Variants in TOGARAM1 observed in about 807,000 individuals in gnomAD.
TOGARAM1 encodes TOG array regulator of axonemal microtubules protein 1.
Under a neutral mutation model 166.6 loss-of-function variants are expected in TOGARAM1, and 100 were observed. That is an observed-to-expected ratio of 0.60 (90% CI 0.51 to 0.71). The LOEUF (loss-of-function observed/expected upper bound fraction) is 0.71. TOGARAM1 is among the 30% of genes least tolerant of loss of function. The probability of loss-of-function intolerance (pLI) is 0.00; values close to 1 mark genes in which losing one functional copy is unlikely to be tolerated. For missense variants in TOGARAM1, 2,029 were observed against 2,102.7 expected (o/e 0.96, Z 0.69); for synonymous variants, 758 against 763.8 (o/e 0.99, Z 0.13).
intron 16 of TOGARAM1, among the ~76,000 whole-genome samples, chr14:45,058,988 A>G (rs1882776883): frequency 6.6e-6 from 1 of 152,036 alleles, no homozygotes; most frequent in Non-Finnish European, 1.5e-5. Flanking sequence ...CCATTTGGGT[A>G]TTTCTTATAG....
rs111732042 is a variant in TOGARAM1, at chr14:45,001,116, C to T, written c.2338+1619C>T. 2.0e-5 allele frequency among the ~76,000 whole-genome samples: 3 copies of T among 152,260 alleles called. No homozygotes were observed. In the East Asian group the frequency reaches 5.8e-4, roughly 29 times the overall value. On this transcript the variant is annotated intron_variant, in intron 3 of 19. Transcript: ENST00000361462. Reference sequence around the variant, plus strand: ...TTCCCACCAGCAGTGTACAAGCATTCCTTTTTGTTGCCATCCTTGCCACCA... The same window carrying T: ...TTCCCACCAGCAGTGTACAAGCATTTCTTTTTGTTGCCATCCTTGCCACCA...
intron 1 of TOGARAM1, among the ~76,000 whole-genome samples, chr14:44,985,175 G>A (rs1047919768): frequency 1.3e-5 from 2 of 152,030 alleles, no homozygotes; most frequent in African/African-American, 4.8e-5. Flanking sequence ...CACCACGCCT[G>A]GCTAATTTTT....
chr14:44,990,078 ATGTGGGGAT>A (rs1887048638), intron 1 of TOGARAM1, among the ~76,000 whole-genome samples: 2 of 152,346 alleles, frequency 1.3e-5, no homozygotes, highest in East Asian at 3.9e-4. Context: ...CTCCCTTGAT[ATGTGGGGAT>A]TATGAGGATT....
intron 3 of TOGARAM1, among the ~76,000 whole-genome samples, chr14:45,002,872 G>A (rs190994316): frequency 7.5e-4 from 114 of 152,182 alleles, no homozygotes; most frequent in Non-Finnish European, 1.4e-3. Flanking sequence ...CCAGCTACTC[G>A]GGAGGCTGAA....
chr14:45,059,587 C>G (rs772340836), intron 16 of TOGARAM1, among the ~76,000 whole-genome samples: 1 of 151,924 alleles, frequency 6.6e-6, no homozygotes, highest in African/African-American at 2.4e-5. Context: ...GAGGCAGAGG[C>G]GGAAGTTGCA....
intron 6 of TOGARAM1, among the ~76,000 whole-genome samples, chr14:45,009,578 T>C (rs1879672520): frequency 6.6e-6 from 1 of 152,232 alleles, no homozygotes; most frequent in Non-Finnish European, 1.5e-5. Flanking sequence ...TCTTATATCT[T>C]ATTTCCATTA....
Position 45,073,179 on chromosome 14 carries a change from T to C in TOGARAM1, c.5057-117T>C, listed in dbSNP as rs73334925. 6,136 of 1,052,956 alleles carry C rather than the reference T, an allele frequency of 5.8e-3. 259 individuals carry two copies. The African/African-American group carries it at 0.088, about 15-fold the overall frequency. The allele number at this position is 1,052,956 out of a possible 1,614,324, so 65.2% of individuals were successfully genotyped here. On this transcript the variant is annotated intron_variant, in intron 19 of 19. Coordinates refer to ENST00000361462, the MANE Select transcript of TOGARAM1 (RefSeq NM_001308120.2). The stretch of plus-strand genomic sequence containing the variant: ...CATTGCTTCTTTTAAGAAGCCTAAC[T>C]TTTTAGGACAAATTACATAAGGAAG...
chr14:45,024,592 A>G (rs939806239), intron 7 of TOGARAM1, among the ~76,000 whole-genome samples: 2 of 152,118 alleles, frequency 1.3e-5, no homozygotes, highest in African/African-American at 4.8e-5. Context: ...TAGTTTATGT[A>G]TAGATTTTAT....
chr14:44,967,318 A>G (rs1885611368), intron 1 of TOGARAM1, among the ~76,000 whole-genome samples: 1 of 152,084 alleles, frequency 6.6e-6, no homozygotes, highest in African/African-American at 2.4e-5. Context: ...GCTACCCAAC[A>G]TCAGTAATAT....
chr14:45,048,380 A>G (rs1054346581), intron 14 of TOGARAM1, among the ~76,000 whole-genome samples: 6 of 152,102 alleles, frequency 3.9e-5, no homozygotes, highest in African/African-American at 1.2e-4. Flanking sequence ...ATTAAAGTAA[A>G]GAAGTATATA....
Position 45,046,687 on chromosome 14 carries a change from A to T in TOGARAM1, c.4297A>T (p.Ser1433Cys). The change falls in exon 14 of 20, where the codon AGT becomes TGT. Residue 1433 changes from serine to cysteine, a missense_variant. Ser to Cys is a moderately radical substitution (Grantham distance 112, BLOSUM62 -1). Coordinates refer to ENST00000361462, the MANE Select transcript of TOGARAM1 (RefSeq NM_001308120.2). ...AGCTGCTGCTAAGTTTGCTCAAGAC[A>T]GTTCACAAGAAACCAGGTGAATATC... is the stretch of plus-strand genomic sequence containing the variant. ...LPAAAKFAQDSSQETRYYGRK... is the reference protein window; with the variant it reads ...LPAAAKFAQDCSQETRYYGRK... 1 of 1,291,760 alleles carries T rather than the reference A, an allele frequency of 7.7e-7. No homozygotes were observed. The highest frequency in any genetic ancestry group is 3.0e-5 in the East Asian group (1 of 33,544). 80.0% of individuals were successfully genotyped at this position (1,291,760 alleles called of 1,614,324 possible). A position where few individuals can be genotyped will look rare whatever the true frequency, so the allele number is the denominator to read the frequency against.
intron 7 of TOGARAM1, among the ~76,000 whole-genome samples, chr14:45,014,965 C>G (rs571041888): frequency 1.3e-5 from 2 of 152,240 alleles, no homozygotes; most frequent in South Asian, 4.1e-4. Flanking sequence ...CAGCTACCTC[C>G]TCTTCCTACC....
At chr14:44,995,310 A>G (rs1271167898) in intron 1 of TOGARAM1, among the ~76,000 whole-genome samples, 1 of 152,214 alleles carries the variant, frequency 6.6e-6, no homozygotes, top group East Asian at 1.9e-4. Context: ...AGGCTGCAGA[A>G]TATGGATAAT....
intron 1 of TOGARAM1, among the ~76,000 whole-genome samples, chr14:44,981,645 T>C (rs1346683657): frequency 6.6e-6 from 1 of 152,156 alleles, no homozygotes; most frequent in Non-Finnish European, 1.5e-5. Flanking sequence ...TTATACATGC[T>C]CATTATAGAA....
In TOGARAM1 at chr14:45,006,067, T is replaced by A; in HGVS notation, c.2704T>A (p.Ser902Thr). 6.2e-7 allele frequency: 1 copy of A among 1,613,406 alleles called. No individual in the cohort carries two copies. The highest frequency in any genetic ancestry group is 8.5e-7 in the Non-Finnish European group (1 of 1,179,556). Residue 902 changes from serine to threonine, a missense_variant, in exon 5 of 20, where the codon TCT becomes ACT. Physicochemically the swap from Ser to Thr is moderately conservative, Grantham distance 58. Transcript: ENST00000361462. ...TACACCTGCCTTGGTGAGATCGCCA[T>A]CTTCCCGACGAGGTCTAAATGGGAC... is the stretch of plus-strand genomic sequence containing the variant. ...QLTPALVRSP[S>T]SRRGLNGTKP...
At chr14:44,989,915 C>T (rs1199074898) in intron 1 of TOGARAM1, among the ~76,000 whole-genome samples, 1 of 152,142 alleles carries the variant, frequency 6.6e-6, no homozygotes, top group East Asian at 1.9e-4. Context: ...GGAGAAGAGG[C>T]ACATCTTACA....
intron 16 of TOGARAM1, among the ~76,000 whole-genome samples, chr14:45,064,603 TG>T (rs1301331532): frequency 2.0e-5 from 3 of 152,090 alleles, no homozygotes; most frequent in African/African-American, 7.2e-5. Context: ...CCCGAGTACC[TG>T]GGACTACAAG....
chr14:44,991,112 C>T (rs983548309), intron 1 of TOGARAM1, among the ~76,000 whole-genome samples: 1 of 151,766 alleles, frequency 6.6e-6, no homozygotes, highest in African/African-American at 2.4e-5. Context: ...GAATGCAACA[C>T]CAGGCCTGGT....
At position 44,962,275 on chromosome 14, in the gene TOGARAM1, G is replaced by A. The variant is rs1885179657; in HGVS notation, c.-147G>A. Reference sequence around the variant, plus strand: ...ATTTTGCCAGAGGCTGCCTCCCGGAGTTGGGGGCGGCCTGGCGGCAGGCTG... The same window carrying A: ...ATTTTGCCAGAGGCTGCCTCCCGGAATTGGGGGCGGCCTGGCGGCAGGCTG... On this transcript the variant is annotated 5_prime_UTR_variant, in exon 1 of 20. Coordinates refer to ENST00000361462, the MANE Select transcript of TOGARAM1 (RefSeq NM_001308120.2). 2.0e-6 allele frequency: 2 copies of A among 1,024,816 alleles called. No homozygotes were observed. The highest frequency in any genetic ancestry group is 2.7e-6 in the Non-Finnish European group (2 of 746,700). The allele number at this position is 1,024,816 out of a possible 1,614,324, so 63.5% of individuals were successfully genotyped here.
Sources: allele counts gnomAD v4.1 joint callset (sites outside exome capture counted in the v4.1 genomes callset), GRCh38; gene constraint gnomAD v4.1.1; transcripts MANE v1.5; gene names NCBI Gene and HGNC (gene_info 2026-07-23, HGNC 2026-07-21).